Variants in SLC12A7 observed in about 807,000 individuals in gnomAD.
SLC12A7 encodes the protein solute carrier family 12 member 7.
SLC12A7 carries 100 observed loss-of-function variants against 120.6 expected under a neutral mutation model. That is an observed-to-expected ratio of 0.83 (90% CI 0.71 to 0.98). The LOEUF (loss-of-function observed/expected upper bound fraction) is 0.98, where lower values mean the gene tolerates loss of function less well. SLC12A7 is among the 50% of genes least tolerant of loss of function. SLC12A7 has a pLI of 0.00. For missense variants in SLC12A7, 1,373 were observed against 1,548.1 expected, an observed-to-expected ratio of 0.89 and a Z score of 1.90; for synonymous variants, 760 against 678.0, an observed-to-expected ratio of 1.12 and a Z score of -1.88.
chr5:1,105,388 C>T (rs1466721966), intron 1 of SLC12A7, among the ~76,000 whole-genome samples: 2 of 149,360 alleles, frequency 1.3e-5, no homozygotes, highest in African/African-American at 2.5e-5. Context: ...GTCCTGCAGT[C>T]GCCCACCAGC....
chr5:1,139,791 G>C, the SLC12A7 span, among the ~76,000 whole-genome samples: 2 of 152,308 alleles, frequency 1.3e-5, no homozygotes, highest in East Asian at 3.9e-4. Flanking sequence ...TCTGGTTCCC[G>C]AGCCCCACTT....
At chr5:1,111,770 A>T in intron 1 of SLC12A7, 98 bp downstream of exon 1, 1 of 1,128,134 alleles carries the variant, frequency 8.9e-7, no homozygotes, top group South Asian at 4.5e-5. Context: ...CGCCTCCTGT[A>T]CCCCCGGCCC....
chr5:1,088,225 C>T (rs768325443), intron 5 of SLC12A7, 81 bp downstream of exon 5: 13 of 1,436,494 alleles, frequency 9.0e-6, no homozygotes, highest in African/African-American at 5.7e-5. Flanking sequence ...CCTCGCCAAG[C>T]GGCCTCCTCG....
the SLC12A7 span, among the ~76,000 whole-genome samples, chr5:1,130,420 T>C: frequency 6.7e-6 from 1 of 149,918 alleles, no homozygotes; most frequent in East Asian, 1.9e-4. Context: ...GCTTGAGCTG[T>C]GGGAGGAAGA....
the SLC12A7 span, among the ~76,000 whole-genome samples, chr5:1,145,753 G>A: frequency 0.055 from 8,315 of 152,106 alleles, 569 homozygotes; most frequent in African/African-American, 0.16. This position sits in a 1 kb window ranked among gnomAD's most constrained non-coding sequence, Gnocchi z 4.4. Context: ...AGGATCAAGC[G>A]CCTCTGTCCT....
chr5:1,064,838 G>A (rs1446209192), intron 18 of SLC12A7, among the ~76,000 whole-genome samples: 7 of 146,278 alleles, frequency 4.8e-5, no homozygotes, highest in Admixed American at 1.4e-4. Context: ...AGGGGACGGC[G>A]AAGCGACGGC....
the SLC12A7 span, among the ~76,000 whole-genome samples, chr5:1,155,367 G>A: frequency 1.3e-5 from 2 of 152,152 alleles, no homozygotes; most frequent in South Asian, 4.1e-4. Flanking sequence ...AAGTGACCCC[G>A]TCTGGACTCT....
At chr5:1,073,436 C>T (rs949693555) in intron 17 of SLC12A7, among the ~76,000 whole-genome samples, 197 bp downstream of exon 17, 7 of 152,230 alleles carry the variant, frequency 4.6e-5, no homozygotes, top group Non-Finnish European at 1.0e-4. Context: ...CTCACACCTC[C>T]CAAGCTTCCC....
Position 1,087,025 on chromosome 5 carries a change from AC to A in SLC12A7, c.552del (p.Ser185ProfsTer4). 6.2e-7 allele frequency: 1 copy of A among 1,609,126 alleles called. No individual in the cohort carries two copies. Among genetic ancestry groups the A allele is most frequent in the Non-Finnish European group, 8.5e-7 (1 of 1,178,262 alleles). On this transcript the variant is annotated frameshift_variant, in exon 6 of 24. Coordinates refer to ENST00000264930, the MANE Select transcript of SLC12A7 (RefSeq NM_006598.3). LOFTEE classifies it high-confidence loss of function. Reference protein sequence around the residue: ...IATNGVVPAGGSYYMISRSLG... With the variant: ...IATNGVVPAGXSYYMISRSLG... Reference sequence around the variant, plus strand: ...AGCGAGCGCGATATCATGTAGTAGGACCCGCCAGCTGCGGAGACAAAGGCGG... The same window carrying A: ...AGCGAGCGCGATATCATGTAGTAGGACCGCCAGCTGCGGAGACAAAGGCGG...
At chr5:1,143,505 C>G in the SLC12A7 span, among the ~76,000 whole-genome samples, 1 of 152,212 alleles carries the variant, frequency 6.6e-6, no homozygotes. Context: ...TGGGTCAGGG[C>G]CTTCCTCACA....
rs1221232151 is a variant in SLC12A7 at position 1,064,154 on chromosome 5, T to C, written c.2536A>G (p.Ile846Val). 5.0e-6 allele frequency: 8 copies of C among 1,612,110 alleles called. No individual in the cohort carries two copies. The highest frequency in any genetic ancestry group is 1.7e-4 in the Middle Eastern group (1 of 6,058). ...TCGTGCACGATCCACCACACGTCGATGTGGCCCCCGCCGAAGCGCTCCTGG... is the reference window on the plus strand; with the variant it reads ...TCGTGCACGATCCACCACACGTCGACGTGGCCCCCGCCGAAGCGCTCCTGG... ...QNQERFGGGH[I>V]DVWWIVHDGG... Residue 846 changes from isoleucine (I) to valine (V), a missense_variant, in exon 19 of 24, where the codon ATC becomes GTC. Coordinates refer to ENST00000264930, the MANE Select transcript of SLC12A7 (RefSeq NM_006598.3).
rs764995127 is a variant in SLC12A7, at chr5:1,076,708, G to A, written c.1734C>T (p.Ala578=). The A allele has an allele frequency of 6.2e-7, 1 of 1,610,536 alleles. No individual in the cohort carries two copies. The highest frequency in any genetic ancestry group is 1.1e-5 in the South Asian group (1 of 91,040). ...TGGGGGCTCACATGGAGAGGATCGG[G>A]GCCACGCTGTCCAGAGAGGCGATGA... ...GILIASLDSV[A]PILSMFFLMC... The change falls in exon 13 of 24, where the codon GCC becomes GCT. Residue 578 remains alanine, a synonymous_variant. Coordinates refer to ENST00000264930, the MANE Select transcript of SLC12A7 (RefSeq NM_006598.3).
At chr5:1,079,190 C>G (rs1738718544) in intron 10 of SLC12A7, among the ~76,000 whole-genome samples, 1 of 152,210 alleles carries the variant, frequency 6.6e-6, no homozygotes, top group African/African-American at 2.4e-5. Flanking sequence ...TCTGTTTTCT[C>G]TACGATCGCA....
At chr5:1,066,648 A>C (rs1298224685) in intron 17 of SLC12A7, among the ~76,000 whole-genome samples, 1 of 152,168 alleles carries the variant, frequency 6.6e-6, no homozygotes, top group African/African-American at 2.4e-5. Flanking sequence ...ATGTTGAGAG[A>C]GCATCCTGGG....
At position 1,062,590 on chromosome 5, in the gene SLC12A7, T is replaced by C. The variant is rs372398442; in HGVS notation, c.2739+1254A>G. On this transcript the variant is annotated intron_variant, in intron 20 of 23. Transcript: ENST00000264930. ...ACACAGAAACACAGAAGGTTGTCGG[T>C]GAGGCACGAAGCCGTGCCTGGCCTC... is the stretch of plus-strand genomic sequence containing the variant. Among the ~76,000 whole-genome samples the C allele has an allele frequency of 1.6e-4, 24 of 149,710 alleles. No homozygotes were observed. The East Asian group carries it at 3.4e-3, about 21-fold the overall frequency.
chr5:1,091,546 C>T (rs1216501657), intron 3 of SLC12A7, among the ~76,000 whole-genome samples: 1 of 152,208 alleles, frequency 6.6e-6, no homozygotes, highest in African/African-American at 2.4e-5. Context: ...GCCTGTGGCT[C>T]CTGAGTTTTG....
intron 8 of SLC12A7, among the ~76,000 whole-genome samples, chr5:1,082,919 C>CTA (rs1340357463): frequency 5.5e-5 from 7 of 126,840 alleles, no homozygotes; most frequent in South Asian, 2.6e-4. Context: ...CTTCCCGTCT[C>CTA]GGGTTCTGGA....
intron 15 of SLC12A7, among the ~76,000 whole-genome samples, chr5:1,074,986 G>C (rs955837096): frequency 6.6e-6 from 1 of 152,208 alleles, no homozygotes; most frequent in African/African-American, 2.4e-5. Flanking sequence ...CGAGGCGGGT[G>C]CAGGTGGAGG....
chr5:1,052,425 C>T lies in SLC12A7; in HGVS notation c.3187G>A (p.Glu1063Lys), dbSNP rs1419123788. 5.0e-6 allele frequency: 8 copies of T among 1,612,884 alleles called. No homozygotes were observed. The highest frequency in any genetic ancestry group is 5.1e-6 in the Non-Finnish European group (6 of 1,179,962). ...ACCAGGAGGACTCTGTTCAGCCCCT[C>T]GGTCAGGACTTCAAGAAACTCCATG... Reference protein sequence around the residue: ...NYMEFLEVLTEGLNRVLLVRG... With the variant: ...NYMEFLEVLTKGLNRVLLVRG... Residue 1063 changes from glutamate (E) to lysine (K), a missense_variant, in exon 24 of 24, where the codon GAG becomes AAG. Physicochemically the swap from Glu to Lys is moderately conservative, Grantham distance 56. Transcript: ENST00000264930.
Sources: gnomAD v4.1 joint callset for allele counts (sites outside exome capture counted in the v4.1 genomes callset) on GRCh38, gnomAD v4.1.1 for gene constraint, Gnocchi (gnomAD v3.1) non-coding constraint, MANE v1.5 for transcripts, NCBI Gene and HGNC (gene_info 2026-07-23, HGNC 2026-07-21) for gene names.